NECAB1: variants seen among roughly 807,000 people sequenced by gnomAD.
NECAB1 encodes the protein N-terminal EF-hand calcium-binding protein 1.
Under a neutral mutation model 57.5 loss-of-function variants are expected in NECAB1, and 29 were observed. That is an observed-to-expected ratio of 0.50 (90% CI 0.38 to 0.69). The LOEUF (loss-of-function observed/expected upper bound fraction) is 0.69, where lower values mean the gene tolerates loss of function less well. Ranked by LOEUF, NECAB1 falls within the 30% of genes least tolerant of loss-of-function variation. The pLI, the probability that NECAB1 is intolerant of heterozygous loss-of-function variation, is 0.00. For missense variants in NECAB1, 372 were observed against 413.8 expected, an observed-to-expected ratio of 0.90 and a Z score of 0.88; for synonymous variants, 142 against 147.7, an observed-to-expected ratio of 0.96 and a Z score of 0.28.
chr8:90,847,090 C>A (rs1426861958), intron 3 of NECAB1, among the ~76,000 whole-genome samples: 3 of 152,206 alleles, frequency 2.0e-5, no homozygotes, highest in Non-Finnish European at 4.4e-5. Context: ...TGAGACAAGA[C>A]AAGTCCCTTC....
intron 3 of NECAB1, among the ~76,000 whole-genome samples, chr8:90,831,445 A>G (rs149473460): frequency 1.3e-3 from 201 of 152,192 alleles, no homozygotes; most frequent in African/African-American, 4.6e-3. Context: ...GAGGAAGATA[A>G]TCTCCTTCCC....
At chr8:90,851,011 G>T (rs1337786555) in intron 3 of NECAB1, among the ~76,000 whole-genome samples, 1 of 152,164 alleles carries the variant, frequency 6.6e-6, no homozygotes, top group African/African-American at 2.4e-5. Context: ...GGATAGAGGG[G>T]CTAGAGATTG....
At chr8:90,840,109 C>T (rs1339083021) in intron 3 of NECAB1, among the ~76,000 whole-genome samples, 1 of 152,140 alleles carries the variant, frequency 6.6e-6, no homozygotes, top group African/African-American at 2.4e-5. Context: ...ATAATAACAA[C>T]AACAATAATA....
intron 2 of NECAB1, among the ~76,000 whole-genome samples, chr8:90,816,688 G>T (rs549270422): frequency 1.3e-5 from 2 of 151,814 alleles, no homozygotes; most frequent in East Asian, 3.9e-4. Flanking sequence ...GTTTATTTAT[G>T]CATGTATTGT....
At chr8:90,823,849 A>G (rs1231034384) in intron 2 of NECAB1, among the ~76,000 whole-genome samples, 4 of 151,832 alleles carry the variant, frequency 2.6e-5, no homozygotes, top group Non-Finnish European at 4.4e-5. Context: ...CTGCACAGAG[A>G]GAAAGATGCT....
intron 4 of NECAB1, 62 bp from the exon 5 acceptor site, chr8:90,880,971 T>G: frequency 8.1e-7 from 1 of 1,238,512 alleles, no homozygotes; most frequent in African/African-American, 1.5e-5. Context: ...ATTAGTTGAT[T>G]TTTTTGTTTT....
intron 11 of NECAB1, among the ~76,000 whole-genome samples, 175 bp from the exon 12 acceptor site, chr8:90,950,938 A>G (rs1810912806): frequency 6.6e-6 from 1 of 152,144 alleles, no homozygotes; most frequent in Non-Finnish European, 1.5e-5. Context: ...CAATTATTAA[A>G]TTACTCCTGA....
At chr8:90,878,304 T>C (rs771057367) in intron 4 of NECAB1, among the ~76,000 whole-genome samples, 1 of 152,190 alleles carries the variant, frequency 6.6e-6, no homozygotes, top group Non-Finnish European at 1.5e-5. Flanking sequence ...CAAGCTCCTA[T>C]GATAGCACCT....
rs899285964 is a variant in NECAB1 at position 90,922,585 on chromosome 8, C to T, written c.495-2950C>T. Among the ~76,000 whole-genome samples the T allele has an allele frequency of 4.0e-5, 6 of 149,242 alleles. No homozygotes were observed. In the East Asian group the frequency reaches 8.0e-4, roughly 20 times the overall value. ...TCTGCTCACTGCAACCTCCGCCTCC[C>T]GGGTTCAAGCAATTCTCCTGCGTCA... On this transcript the variant is annotated intron_variant, in intron 6 of 12. Coordinates refer to ENST00000417640, the MANE Select transcript of NECAB1 (RefSeq NM_022351.5).
Position 90,917,870 on chromosome 8 carries a change from A to ATATATATATATATATATATG in NECAB1, c.494+243_494+244insATATATATATATATATATGT, listed in dbSNP as rs1554575432. ...TATATATATATATATATATATATAT[A>ATATATATATATATATATATG]TGTGTGTGTGTGCGTGTATATATAT... is the stretch of plus-strand genomic sequence containing the variant. On this transcript the variant is annotated intron_variant, in intron 6 of 12. Coordinates refer to ENST00000417640, the MANE Select transcript of NECAB1 (RefSeq NM_022351.5). Among the ~76,000 whole-genome samples the ATATATATATATATATATATG allele has an allele frequency of 2.7e-3, 175 of 64,244 alleles. 1 individual carries two copies. The highest frequency in any genetic ancestry group is 4.1e-3 in the African/African-American group (39 of 9,572). The allele number at this position is 64,244 out of a possible 152,430, so 42.1% of individuals were successfully genotyped here.
chr8:90,839,314 T>A (rs1325559367), intron 3 of NECAB1, among the ~76,000 whole-genome samples: 1 of 152,230 alleles, frequency 6.6e-6, no homozygotes, highest in African/African-American at 2.4e-5. Context: ...AACCCAAGTC[T>A]AACTCAATTT....
chr8:90,824,835 T>A lies in NECAB1; in HGVS notation c.233+10T>A, dbSNP rs188544677. 3.3e-5 allele frequency: 46 copies of A among 1,394,728 alleles called. No individual in the cohort carries two copies. Among genetic ancestry groups the A allele is most frequent in the East Asian group, 1.8e-4 (7 of 39,076 alleles). 86.4% of individuals were successfully genotyped at this position (1,394,728 alleles called of 1,614,324 possible). A position where few individuals can be genotyped will look rare whatever the true frequency, so the allele number is the denominator to read the frequency against. On this transcript the variant is annotated intron_variant, in intron 3 of 12. Coordinates refer to ENST00000417640, the MANE Select transcript of NECAB1 (RefSeq NM_022351.5). ...ATACACATAATACTAAGTAAGAAAC[T>A]TTTTTATCACTGGATTCCACAAGTG...
At chr8:90,954,882 TTA>T (rs1176469855) in intron 12 of NECAB1, among the ~76,000 whole-genome samples, 3 of 147,986 alleles carry the variant, frequency 2.0e-5, no homozygotes, top group East Asian at 3.9e-4. Context: ...TATATGTATA[TTA>T]TGTGTATGCA....
At chr8:90,884,044 GA>G (rs1013129680) in intron 5 of NECAB1, among the ~76,000 whole-genome samples, 1 of 152,140 alleles carries the variant, frequency 6.6e-6, no homozygotes, top group African/African-American at 2.4e-5. Context: ...CTAAAGTGAA[GA>G]ATGGCATTCT....
chr8:90,913,945 C>A lies in NECAB1; in HGVS notation c.358-3547C>A, dbSNP rs180836670. ...AGCTGTATTTTTCTTTATTGCAGAG[C>A]CCACATGACTGGGCAAGTCGGGTGG... On this transcript the variant is annotated intron_variant, in intron 5 of 12. Transcript: ENST00000417640. Among the ~76,000 whole-genome samples, 8 of 152,274 alleles carry A rather than the reference C, an allele frequency of 5.3e-5. No individual in the cohort carries two copies. In the East Asian group the frequency reaches 1.5e-3, roughly 29 times the overall value.
At chr8:90,955,418 T>C in intron 12 of NECAB1, 69 bp from the exon 13 acceptor site, 1 of 1,137,216 alleles carries the variant, frequency 8.8e-7, no homozygotes, top group Non-Finnish European at 1.3e-6. Context: ...TAGAAATAAT[T>C]TGCACCTTGA....
In NECAB1 at chr8:90,798,319, C is replaced by T. The variant is rs140822362; in HGVS notation, c.100-3372C>T. ...ATAACTTAAAGTTTTATTTTAGATT[C>T]AGGAGGAATATGTGCAGGTTTGTTA... is the stretch of plus-strand genomic sequence containing the variant. On this transcript the variant is annotated intron_variant, in intron 1 of 12. Transcript: ENST00000417640. Among the ~76,000 whole-genome samples, 39 of 152,248 alleles carry T rather than the reference C, an allele frequency of 2.6e-4. No individual in the cohort carries two copies. The East Asian group carries it at 6.6e-3, about 26-fold the overall frequency.
At chr8:90,844,382 G>C (rs1812515888) in intron 3 of NECAB1, among the ~76,000 whole-genome samples, 1 of 152,060 alleles carries the variant, frequency 6.6e-6, no homozygotes, top group Non-Finnish European at 1.5e-5. Flanking sequence ...CAGATCCTAA[G>C]GGTCCCTATA....
In NECAB1 at chr8:90,957,603, ATGTGTG is replaced by A. The variant is rs1225698446; in HGVS notation, c.*2094_*2099del. On this transcript the variant is annotated 3_prime_UTR_variant, in exon 13 of 13. Coordinates refer to ENST00000417640, the MANE Select transcript of NECAB1 (RefSeq NM_022351.5). ...GTTTGTGAGAGTTGTATGTATGTGA[ATGTGTG>A]TGAGTGTGTATTCACATACACATAT... The A allele has an allele frequency of 1.3e-5, 2 of 150,744 alleles. No homozygotes were observed. The highest frequency in any genetic ancestry group is 4.2e-4 in the South Asian group (2 of 4,758). The allele number at this position is 150,744 out of a possible 1,614,324, so 9.3% of individuals were successfully genotyped here.
Sources: allele counts gnomAD v4.1 joint callset (sites outside exome capture counted in the v4.1 genomes callset), GRCh38; gene constraint gnomAD v4.1.1; transcripts MANE v1.5; gene names NCBI Gene and HGNC (gene_info 2026-07-23, HGNC 2026-07-21).